Variants in ZNF385B observed in about 807,000 individuals in gnomAD.
ZNF385B encodes the protein zinc finger protein 385B, also known as zinc finger protein 533.
A neutral mutation model predicts 39.2 loss-of-function variants in ZNF385B; 23 were observed. That is an observed-to-expected ratio of 0.59 (90% CI 0.42 to 0.83). The LOEUF (loss-of-function observed/expected upper bound fraction) is 0.83. Ranked by LOEUF, ZNF385B falls within the 40% of genes least tolerant of loss-of-function variation. ZNF385B has a pLI of 0.00. For missense variants in ZNF385B, 552 were observed against 598.9 expected, an observed-to-expected ratio of 0.92 and a Z score of 0.82; for synonymous variants, 205 against 222.6, an observed-to-expected ratio of 0.92 and a Z score of 0.70.
At chr2:179,459,579 G>C (rs1574244549) in intron 6 of ZNF385B, among the ~76,000 whole-genome samples, 1 of 137,792 alleles carries the variant, frequency 7.3e-6, no homozygotes, top group African/African-American at 2.9e-5. Flanking sequence ...GTGGGGGAGA[G>C]AGAAAATAAG....
At chr2:179,731,545 G>T (rs557936442) in intron 3 of ZNF385B, among the ~76,000 whole-genome samples, 6 of 152,322 alleles carry the variant, frequency 3.9e-5, no homozygotes, top group African/African-American at 1.4e-4. Flanking sequence ...GGTAACTTTA[G>T]AACAAACTGA....
At chr2:179,676,816 T>C (rs1559076289) in intron 3 of ZNF385B, among the ~76,000 whole-genome samples, 1 of 152,134 alleles carries the variant, frequency 6.6e-6, no homozygotes, top group Non-Finnish European at 1.5e-5. Context: ...AGAGAAGTGC[T>C]TACTGGTATC....
chr2:179,726,495 C>A (rs940393972), intron 3 of ZNF385B, among the ~76,000 whole-genome samples: 8 of 152,134 alleles, frequency 5.3e-5, no homozygotes, highest in Admixed American at 5.2e-4. Context: ...AGTATTAGTA[C>A]TATACTGAAG....
At position 179,483,262 on chromosome 2, in the gene ZNF385B, T is replaced by C. The variant is rs202145031; in HGVS notation, c.715+10A>G. 186 of 1,613,536 alleles carry C rather than the reference T, an allele frequency of 1.2e-4. 2 individuals are homozygous for C. In the South Asian group the frequency reaches 1.9e-3, roughly 17 times the overall value. On this transcript the variant is annotated intron_variant, in intron 6 of 9. Transcript: ENST00000410066. ...CACAAAGAATGTAAAGAACAAAAAG[T>C]GTCATTGACCTGATTTGTCAGAGTT...
intron 3 of ZNF385B, among the ~76,000 whole-genome samples, chr2:179,714,560 A>G (rs962062320): frequency 2.0e-5 from 3 of 152,206 alleles, no homozygotes; most frequent in African/African-American, 4.8e-5. Context: ...TTAAAAGGTT[A>G]GGGTAACAGC....
chr2:179,717,633 G>A (rs892990358), intron 3 of ZNF385B, among the ~76,000 whole-genome samples: 2 of 152,160 alleles, frequency 1.3e-5, no homozygotes, highest in Non-Finnish European at 2.9e-5. Context: ...CTATTAAGAG[G>A]TGGAGGATCA....
At chr2:179,846,523 A>G (rs1261934909) in intron 1 of ZNF385B, among the ~76,000 whole-genome samples, 1 of 152,160 alleles carries the variant, frequency 6.6e-6, no homozygotes, top group Non-Finnish European at 1.5e-5. Flanking sequence ...GAAAATAAAG[A>G]CAACTCTTTT....
At chr2:179,702,294 A>C (rs1182833712) in intron 3 of ZNF385B, among the ~76,000 whole-genome samples, 3 of 152,216 alleles carry the variant, frequency 2.0e-5, no homozygotes, top group Non-Finnish European at 4.4e-5. Context: ...CTGTATTTTA[A>C]AACTTGCAAT....
intron 3 of ZNF385B, among the ~76,000 whole-genome samples, chr2:179,717,371 C>T (rs1700395304): frequency 6.6e-6 from 1 of 152,100 alleles, no homozygotes; most frequent in Non-Finnish European, 1.5e-5. Flanking sequence ...AGCACTTCTA[C>T]CTTGTTCTGC....
intron 1 of ZNF385B, among the ~76,000 whole-genome samples, chr2:179,801,690 A>G (rs896775165): frequency 3.3e-5 from 5 of 152,176 alleles, no homozygotes; most frequent in East Asian, 1.9e-4. Flanking sequence ...AATGAAATGG[A>G]ACAATTACAC....
At chr2:179,700,608 G>A (rs987556108) in intron 3 of ZNF385B, among the ~76,000 whole-genome samples, 1 of 152,168 alleles carries the variant, frequency 6.6e-6, no homozygotes, top group African/African-American at 2.4e-5. Flanking sequence ...AAGACAATTC[G>A]TCTTTGTGGA....
intron 3 of ZNF385B, among the ~76,000 whole-genome samples, chr2:179,718,235 T>C (rs938513541): frequency 1.3e-5 from 2 of 151,764 alleles, no homozygotes; most frequent in Non-Finnish European, 2.9e-5. Flanking sequence ...TCTAAGATTT[T>C]ATTTATCCAC....
At chr2:179,525,192 A>C (rs1305258280) in intron 4 of ZNF385B, among the ~76,000 whole-genome samples, 1 of 134,730 alleles carries the variant, frequency 7.4e-6, no homozygotes, top group East Asian at 2.0e-4. Context: ...CGCACTGCTA[A>C]AGGGTATGGG....
At chr2:179,678,233 C>T (rs1202378732) in intron 3 of ZNF385B, among the ~76,000 whole-genome samples, 1 of 152,214 alleles carries the variant, frequency 6.6e-6, no homozygotes, top group Non-Finnish European at 1.5e-5. Context: ...ATTCCTCACA[C>T]CTACGCTCCT....
chr2:179,561,681 T>C (rs908776420), intron 3 of ZNF385B, among the ~76,000 whole-genome samples: 4 of 151,042 alleles, frequency 2.6e-5, no homozygotes, highest in African/African-American at 9.7e-5. Context: ...AATAAAGTGA[T>C]AACATTAAAA....
At chr2:179,488,923 T>C (rs577241032) in intron 5 of ZNF385B, among the ~76,000 whole-genome samples, 2 of 151,898 alleles carry the variant, frequency 1.3e-5, no homozygotes, top group Non-Finnish European at 2.9e-5. Flanking sequence ...TTGTAAACGA[T>C]TAAAAACAAA....
chr2:179,459,996 A>AG (rs1559261133), intron 6 of ZNF385B, among the ~76,000 whole-genome samples: 1 of 151,806 alleles, frequency 6.6e-6, no homozygotes, highest in African/African-American at 2.4e-5. Flanking sequence ...CCCAGCTACT[A>AG]GGGGGGCTGA....
intron 1 of ZNF385B, among the ~76,000 whole-genome samples, chr2:179,792,810 G>A (rs1162901870): frequency 6.6e-6 from 1 of 151,844 alleles, no homozygotes; most frequent in Non-Finnish European, 1.5e-5. Context: ...AAGAGAAAAA[G>A]AAGGGAAGGG....
At chr2:179,536,947 A>G (rs530561953) in intron 4 of ZNF385B, among the ~76,000 whole-genome samples, 4 of 152,346 alleles carry the variant, frequency 2.6e-5, no homozygotes, top group Admixed American at 6.5e-5. Flanking sequence ...GCCCTTAGTA[A>G]GATAAATCTT....
Sources: gnomAD v4.1 joint callset for allele counts (sites outside exome capture counted in the v4.1 genomes callset) on GRCh38, gnomAD v4.1.1 for gene constraint, MANE v1.5 for transcripts, NCBI Gene and HGNC (gene_info 2026-07-23, HGNC 2026-07-21) for gene names.